GPSM2: variants seen among roughly 807,000 people sequenced by gnomAD.
GPSM2 encodes G protein signaling modulator 2, also known as G protein-signaling modulator 2.
In GPSM2, 58 loss-of-function variants were observed where a neutral mutation model predicts 78.4. That is an observed-to-expected ratio of 0.74 (90% CI 0.60 to 0.92). The LOEUF (loss-of-function observed/expected upper bound fraction) is 0.92, where lower values mean the gene tolerates loss of function less well. GPSM2 is among the 40% of genes least tolerant of loss of function. GPSM2 has a pLI of 0.00. For missense variants in GPSM2, 700 were observed against 815.5 expected, an observed-to-expected ratio of 0.86 and a Z score of 1.73; for synonymous variants, 224 against 280.2, an observed-to-expected ratio of 0.80 and a Z score of 2.00.
intron 14 of GPSM2, chr1:108,929,420 C>T: frequency 2.4e-6 from 1 of 425,296 alleles, no homozygotes; most frequent in South Asian, 2.5e-5. Flanking sequence ...ATAATTAAAA[C>T]AGTATGACTT....
intron 2 of GPSM2, among the ~76,000 whole-genome samples, chr1:108,891,251 A>G (rs915708473): frequency 3.3e-5 from 5 of 152,184 alleles, no homozygotes; most frequent in Non-Finnish European, 7.3e-5. Flanking sequence ...AGATTCTTGC[A>G]TGTAAGTTGT....
In GPSM2 at chr1:108,931,572, A is replaced by ACAT; in HGVS notation, c.*1632_*1633insCAT. The ACAT allele has an allele frequency of 6.9e-7, 1 of 1,450,638 alleles. No homozygotes were observed. The highest frequency in any genetic ancestry group is 9.2e-7 in the Non-Finnish European group (1 of 1,092,234). The allele number at this position is 1,450,638 out of a possible 1,614,324, so 89.9% of individuals were successfully genotyped here. A position where few individuals can be genotyped will look rare whatever the true frequency, so the allele number is the denominator to read the frequency against. ...ATGGGCAAATAGAACTATTTCTCTA[A>ACAT]TGGCCAATGTTTTTTAAGAGTCATA... On this transcript the variant is annotated 3_prime_UTR_variant, in exon 15 of 15. Transcript: ENST00000264126.
intron 12 of GPSM2, among the ~76,000 whole-genome samples, 175 bp downstream of exon 12, chr1:108,918,964 TTAG>T (rs1372582912): frequency 6.6e-6 from 1 of 152,196 alleles, no homozygotes; most frequent in Non-Finnish European, 1.5e-5. Flanking sequence ...AATTACTGTC[TTAG>T]TAGATAAGTT....
chr1:108,902,409 T>G (rs1286242466), intron 8 of GPSM2, among the ~76,000 whole-genome samples: 1 of 150,914 alleles, frequency 6.6e-6, no homozygotes, highest in Admixed American at 6.6e-5. Flanking sequence ...TTTTCCTAAC[T>G]ACATAAGTGT....
intron 11 of GPSM2, among the ~76,000 whole-genome samples, chr1:108,916,594 T>C (rs1315977646): frequency 4.6e-5 from 7 of 152,214 alleles, no homozygotes; most frequent in South Asian, 2.1e-4. Flanking sequence ...ACTTTCTTCT[T>C]TTAGGAACAT....
intron 2 of GPSM2, among the ~76,000 whole-genome samples, chr1:108,892,894 A>G (rs754127171): frequency 6.6e-6 from 1 of 152,166 alleles, no homozygotes; most frequent in African/African-American, 2.4e-5. Context: ...TTAATCATAA[A>G]CTAGAGTGTT....
intron 9 of GPSM2, 71 bp from the exon 10 acceptor site, chr1:108,904,053 TA>T (rs1298570702): frequency 1.9e-6 from 2 of 1,036,854 alleles, no homozygotes; most frequent in African/African-American, 1.6e-5. Flanking sequence ...TTAGGTTCAC[TA>T]CATTTACAAA....
chr1:108,922,556 C>T lies in GPSM2; in HGVS notation c.1580C>T (p.Pro527Leu), dbSNP rs1650794443. ...HTASTTTSST[P>L]PKMMLKTSSV... ...GCTTCAACAACAACTTCTTCCACTC[C>T]CCCTAAAATGATGCTAAAAAGTAAG... The change falls in exon 13 of 15, where the codon CCC (proline) becomes CTC (leucine). Residue 527 changes from proline to leucine, a missense_variant. Transcript: ENST00000264126. 1 of 1,612,268 alleles carries T rather than the reference C, an allele frequency of 6.2e-7. No homozygotes were observed. Among genetic ancestry groups the T allele is most frequent in the Non-Finnish European group, 8.5e-7 (1 of 1,178,614 alleles).
At position 108,929,915 on chromosome 1, in the gene GPSM2, C is replaced by T. The variant is rs754243621; in HGVS notation, c.2030C>T (p.Ser677Leu). 1 of 1,613,460 alleles carries T rather than the reference C, an allele frequency of 6.2e-7. No individual in the cohort carries two copies. Among genetic ancestry groups the T allele is most frequent in the Non-Finnish European group, 8.5e-7 (1 of 1,179,526 alleles). The change falls in exon 15 of 15, where the codon TCA (serine) becomes TTA (leucine). Residue 677 changes from serine (S) to leucine (L), a missense_variant. Physicochemically the swap from Ser to Leu is moderately radical, Grantham distance 145 (BLOSUM62 -2). Transcript: ENST00000264126. ...QNNALLEFKN[S>L]GKKSADH ...AATGCTTTGTTGGAGTTTAAAAATT[C>T]AGGGAAAAAATCGGCAGACCATTAG... is the stretch of plus-strand genomic sequence containing the variant.
intron 14 of GPSM2, among the ~76,000 whole-genome samples, chr1:108,924,758 T>G (rs1009861925): frequency 6.6e-6 from 1 of 151,030 alleles, no homozygotes; most frequent in East Asian, 2.0e-4. Flanking sequence ...ATGGGATGAG[T>G]AGGGGAAGGG....
At chr1:108,907,248 T>G (rs966861656) in intron 10 of GPSM2, among the ~76,000 whole-genome samples, 11 of 152,232 alleles carry the variant, frequency 7.2e-5, no homozygotes, top group Non-Finnish European at 1.0e-4. Flanking sequence ...AAAAGGAGCC[T>G]TCGCTAAAAA....
At chr1:108,912,428 AAGAC>A (rs1166966268) in intron 10 of GPSM2, among the ~76,000 whole-genome samples, 7 of 152,084 alleles carry the variant, frequency 4.6e-5, no homozygotes, top group African/African-American at 1.2e-4. Flanking sequence ...TTCAATGTGA[AAGAC>A]AGATTTAGAG....
rs201180540 is a variant in GPSM2, at chr1:108,903,166, T to A, written c.994T>A (p.Tyr332Asn). 6.2e-7 allele frequency: 1 copy of A among 1,611,118 alleles called. No homozygotes were observed. The highest frequency in any genetic ancestry group is 8.5e-7 in the Non-Finnish European group (1 of 1,177,496). The part of the protein sequence containing the change: ...GRACWSLGNA[Y>N]TALGNHDQAM... ...AGCATGTTGGAGCTTAGGAAATGCA[T>A]ACACAGCACTAGGAAATCATGATCA... is the stretch of plus-strand genomic sequence containing the variant. Residue 332 changes from tyrosine (Y) to asparagine (N), a missense_variant, in exon 9 of 15, where the codon TAC (tyrosine) becomes AAC (asparagine). By Grantham distance (143) the Tyr-to-Asn change is moderately radical (BLOSUM62 -2). Transcript: ENST00000264126.
At chr1:108,920,304 A>G (rs1289734699) in intron 12 of GPSM2, among the ~76,000 whole-genome samples, 1 of 152,114 alleles carries the variant, frequency 6.6e-6, no homozygotes, top group Non-Finnish European at 1.5e-5. Context: ...CCCCGTATCT[A>G]CTAAAAATAC....
intron 7 of GPSM2, 22 bp from the exon 8 acceptor site, chr1:108,901,768 A>G (rs760345761): frequency 3.8e-6 from 6 of 1,584,144 alleles, no homozygotes; most frequent in Non-Finnish European, 5.2e-6. Flanking sequence ...ATCATTATAT[A>G]AGAATTAATT....
At chr1:108,882,102 CCACCACACCTGG>C (rs1315213430) in intron 1 of GPSM2, among the ~76,000 whole-genome samples, 6 of 152,122 alleles carry the variant, frequency 3.9e-5, no homozygotes, top group African/African-American at 1.4e-4. Flanking sequence ...TAGTCACAGG[CCACCACACCTGG>C]CTGATTTTTC....
chr1:108,906,209 A>G (rs1255808554), intron 10 of GPSM2, among the ~76,000 whole-genome samples: 3 of 152,228 alleles, frequency 2.0e-5, no homozygotes, highest in East Asian at 1.9e-4. Flanking sequence ...ACTAGGGGTC[A>G]TACTTGTTCC....
At chr1:108,888,917 T>A (rs1570884225) in intron 2 of GPSM2, among the ~76,000 whole-genome samples, 1 of 152,368 alleles carries the variant, frequency 6.6e-6, no homozygotes, top group East Asian at 1.9e-4. Flanking sequence ...GATGAGCTTT[T>A]AATATACGAA....
chr1:108,897,648 G>A, intron 4 of GPSM2, 21 bp downstream of exon 4: 1 of 1,603,516 alleles, frequency 6.2e-7, no homozygotes. Flanking sequence ...AGCATTAGAT[G>A]GTAGGCCTAA....
Sources: allele counts gnomAD v4.1 joint callset (sites outside exome capture counted in the v4.1 genomes callset), GRCh38; gene constraint gnomAD v4.1.1; transcripts MANE v1.5; gene names NCBI Gene and HGNC (gene_info 2026-07-23, HGNC 2026-07-21).